The following CNTN1 variants were observed in gnomAD, a reference collection of about 807,000 sequenced individuals.
CNTN1 encodes contactin-1.
Under a neutral mutation model 126.4 loss-of-function variants are expected in CNTN1, and 38 were observed. That is an observed-to-expected ratio of 0.30 (90% CI 0.23 to 0.39). The LOEUF (loss-of-function observed/expected upper bound fraction) is 0.39, where lower values mean the gene tolerates loss of function less well. CNTN1 is among the 10% of genes least tolerant of loss of function. The pLI is 1.00. For synonymous variants in CNTN1, 413 were observed against 422.6 expected, an observed-to-expected ratio of 0.98 and a Z score of 0.28; for missense variants, 1,009 against 1,248.4, an observed-to-expected ratio of 0.81 and a Z score of 2.89.
chr12:40,821,498 C>A (rs1941440756), intron 1 of CNTN1, among the ~76,000 whole-genome samples: 2 of 151,982 alleles, frequency 1.3e-5, no homozygotes, highest in South Asian at 2.1e-4. Flanking sequence ...ATACTTGTAA[C>A]CATTAGTAGT....
intron 1 of CNTN1, among the ~76,000 whole-genome samples, chr12:40,723,159 G>A (rs551178738): frequency 3.9e-4 from 60 of 152,224 alleles, no homozygotes; most frequent in African/African-American, 1.4e-3. Context: ...GGCCGACTTC[G>A]CTCCTTATCT....
At chr12:41,056,255 C>T (rs1949798920) in intron 23 of CNTN1, among the ~76,000 whole-genome samples, 2 of 152,088 alleles carry the variant, frequency 1.3e-5, no homozygotes, top group South Asian at 4.1e-4. Flanking sequence ...GTTAAAATAA[C>T]ACAATTAGCT....
intron 23 of CNTN1, among the ~76,000 whole-genome samples, chr12:41,066,384 C>A (rs2121144233): frequency 6.6e-6 from 1 of 152,180 alleles, no homozygotes; most frequent in East Asian, 1.9e-4. Context: ...CATCTTCTTC[C>A]TTAGACCCCC....
At chr12:40,718,546 G>T (rs556626917) in intron 1 of CNTN1, among the ~76,000 whole-genome samples, 3 of 152,232 alleles carry the variant, frequency 2.0e-5, no homozygotes, top group African/African-American at 7.2e-5. Context: ...TGGGTTCAGT[G>T]AATTCAGTCA....
At chr12:40,999,703 T>A (rs1948308214) in intron 17 of CNTN1, among the ~76,000 whole-genome samples, 1 of 142,936 alleles carries the variant, frequency 7.0e-6, no homozygotes, top group African/African-American at 2.6e-5. Flanking sequence ...TGTGCTTTTT[T>A]TTTTTTTTTT....
intron 5 of CNTN1, among the ~76,000 whole-genome samples, chr12:40,923,649 TG>T (rs1303678915): frequency 6.6e-6 from 1 of 152,142 alleles, no homozygotes; most frequent in African/African-American, 2.4e-5. Context: ...ATTTCAAGGA[TG>T]GCAGGAAGCA....
intron 1 of CNTN1, among the ~76,000 whole-genome samples, chr12:40,805,404 T>TAA (rs1363616646): frequency 4.6e-5 from 7 of 152,046 alleles, no homozygotes; most frequent in Non-Finnish European, 8.8e-5. Context: ...TAGGCTATCC[T>TAA]TAAGTTCATT....
At position 40,767,612 on chromosome 12, in the gene CNTN1, TTTTGTTTGTTTGTTTG is replaced by T. The variant is rs59423116; in HGVS notation, c.-77+75045_-77+75060del. ...CATGAGCCACGGCTCCTGGCCCTTT[TTTTGTTTGTTTGTTTG>T]TTTGTTTGTTTGTTTGTTTGTTTGA... On this transcript the variant is annotated intron_variant, in intron 1 of 23. Coordinates refer to ENST00000551295, the MANE Select transcript of CNTN1 (RefSeq NM_001843.4). Among the ~76,000 whole-genome samples, 89 of 144,830 alleles carry T rather than the reference TTTTGTTTGTTTGTTTG, an allele frequency of 6.1e-4. 1 individual carries two copies. The South Asian group carries it at 0.016, about 27-fold the overall frequency.
At chr12:40,786,729 A>G (rs867187305) in intron 1 of CNTN1, among the ~76,000 whole-genome samples, 15 of 152,186 alleles carry the variant, frequency 9.9e-5, no homozygotes, top group African/African-American at 3.4e-4. Flanking sequence ...AACAAGGGAA[A>G]GCATCAGTGA....
chr12:40,910,020 C>T, intron 2 of CNTN1, 53 bp from the exon 3 acceptor site: 1 of 1,360,256 alleles, frequency 7.4e-7, no homozygotes, highest in South Asian at 1.2e-5. Flanking sequence ...TGTTTGAAAC[C>T]ACAATTCAAA....
At chr12:40,729,782 TG>T in intron 1 of CNTN1, 1 of 212,120 alleles carries the variant, frequency 4.7e-6, no homozygotes, top group Non-Finnish European at 1.0e-5. Context: ...GCCAGAAGGT[TG>T]GACTGCAGTG....
At chr12:40,914,343 C>T (rs531152488) in intron 3 of CNTN1, among the ~76,000 whole-genome samples, 2 of 152,236 alleles carry the variant, frequency 1.3e-5, no homozygotes, top group African/African-American at 4.8e-5. Context: ...TAAGGTACAG[C>T]CTGCGAGGGA....
chr12:40,903,614 A>G (rs77314679), intron 1 of CNTN1, among the ~76,000 whole-genome samples: 1 of 152,166 alleles, frequency 6.6e-6, no homozygotes, highest in Non-Finnish European at 1.5e-5. Context: ...TGGTGACACA[A>G]TAGAACAGAT....
chr12:40,891,723 A>G (rs1240033686), intron 1 of CNTN1, among the ~76,000 whole-genome samples: 1 of 152,018 alleles, frequency 6.6e-6, no homozygotes, highest in East Asian at 1.9e-4. Flanking sequence ...TGAACTCTCT[A>G]TTCTGTTCCA....
chr12:40,999,044 G>A (rs1948289169), intron 17 of CNTN1, among the ~76,000 whole-genome samples: 2 of 152,100 alleles, frequency 1.3e-5, no homozygotes, highest in South Asian at 4.1e-4. Flanking sequence ...AAAGCCCAAA[G>A]AGATACTTAT....
At chr12:40,997,398 G>A (rs1041615489) in intron 17 of CNTN1, among the ~76,000 whole-genome samples, 1 of 152,154 alleles carries the variant, frequency 6.6e-6, no homozygotes. Context: ...ATAAAGCCTT[G>A]ATTTCATGCC....
At chr12:40,777,627 A>G (rs1302204913) in intron 1 of CNTN1, among the ~76,000 whole-genome samples, 1 of 151,824 alleles carries the variant, frequency 6.6e-6, no homozygotes, top group Non-Finnish European at 1.5e-5. Context: ...TTTTACTGCC[A>G]TCTATGGGAA....
intron 14 of CNTN1, among the ~76,000 whole-genome samples, chr12:40,958,728 A>G (rs570158691): frequency 2.2e-4 from 33 of 152,204 alleles, no homozygotes; most frequent in African/African-American, 7.7e-4. Flanking sequence ...AACCAAATCA[A>G]TCATTCTTCC....
chr12:40,965,553 T>C (rs1361628654), intron 15 of CNTN1, among the ~76,000 whole-genome samples: 2 of 152,168 alleles, frequency 1.3e-5, no homozygotes, highest in South Asian at 2.1e-4. Flanking sequence ...ATACAAAATA[T>C]ATAATTTTTA....
Sources: gnomAD v4.1 joint callset for allele counts (sites outside exome capture counted in the v4.1 genomes callset) on GRCh38, gnomAD v4.1.1 for gene constraint, MANE v1.5 for transcripts, NCBI Gene and HGNC (gene_info 2026-07-23, HGNC 2026-07-21) for gene names.